DYNC1I1: variants seen among roughly 807,000 people sequenced by gnomAD.
The protein encoded by DYNC1I1 is dynein cytoplasmic 1 intermediate chain 1.
DYNC1I1 carries 43 observed loss-of-function variants against 86.6 expected under a neutral mutation model. The observed-to-expected ratio is 0.50, with a 90% CI of 0.39 to 0.64. DYNC1I1 has a LOEUF of 0.64. DYNC1I1 is among the 30% of genes least tolerant of loss of function. The pLI is 0.00. For missense variants in DYNC1I1, 604 were observed against 788.8 expected (o/e 0.77, Z 2.81); for synonymous variants, 262 against 283.7 (o/e 0.92, Z 0.77).
chr7:95,982,159 A>G (rs942453526), intron 7 of DYNC1I1, among the ~76,000 whole-genome samples: 3 of 152,172 alleles, frequency 2.0e-5, no homozygotes, highest in African/African-American at 7.2e-5. Context: ...TTAATCAAAA[A>G]TTACTATGGC....
At chr7:95,962,619 C>T (rs1792900229) in intron 6 of DYNC1I1, among the ~76,000 whole-genome samples, 1 of 152,106 alleles carries the variant, frequency 6.6e-6, no homozygotes, top group Admixed American at 6.6e-5. Flanking sequence ...GCTCTGTATC[C>T]ATTATCTCAT....
chr7:95,987,504 T>C (rs1335554049), intron 9 of DYNC1I1, among the ~76,000 whole-genome samples: 1 of 152,214 alleles, frequency 6.6e-6, no homozygotes. Flanking sequence ...CTTGTGCCTA[T>C]AGAAACATCC....
intron 5 of DYNC1I1, among the ~76,000 whole-genome samples, chr7:95,848,148 C>T (rs1487596544): frequency 1.3e-5 from 2 of 151,280 alleles, no homozygotes. Context: ...ACCGTCTTAC[C>T]ATTTTTCAGT....
At chr7:95,987,712 C>T (rs1026882265) in intron 9 of DYNC1I1, among the ~76,000 whole-genome samples, 2 of 152,156 alleles carry the variant, frequency 1.3e-5, no homozygotes, top group Admixed American at 6.5e-5. Context: ...TTATATCTCC[C>T]GCCCAATCTC....
At chr7:95,929,952 G>A (rs775193050) in intron 6 of DYNC1I1, among the ~76,000 whole-genome samples, 11 of 152,306 alleles carry the variant, frequency 7.2e-5, no homozygotes, top group Non-Finnish European at 1.5e-4. Flanking sequence ...GAACTGAAAT[G>A]AATACTAACA....
chr7:95,929,081 A>G lies in DYNC1I1; in HGVS notation c.491-48431A>G, dbSNP rs6950335. Reference sequence around the variant, plus strand: ...TTGGAAAACTGTGATGTACTCAACAAATGCATAAAGATGAGCATGTTTTAA... The same window carrying G: ...TTGGAAAACTGTGATGTACTCAACAGATGCATAAAGATGAGCATGTTTTAA... On this transcript the variant is annotated intron_variant, in intron 6 of 16. Coordinates refer to ENST00000447467, the MANE Select transcript of DYNC1I1 (RefSeq NM_001135556.2). 9.8e-3 allele frequency among the ~76,000 whole-genome samples: 1,486 copies of G among 152,342 alleles called. 9 individuals are homozygous for G. Among genetic ancestry groups the G allele is most frequent in the Non-Finnish European group, 0.015 (1,008 of 68,034 alleles).
At chr7:96,004,999 T>A (rs1266904737) in intron 10 of DYNC1I1, among the ~76,000 whole-genome samples, 1 of 152,144 alleles carries the variant, frequency 6.6e-6, no homozygotes, top group Non-Finnish European at 1.5e-5. Flanking sequence ...GATTTTTAAA[T>A]TATCTAATTG....
intron 16 of DYNC1I1, among the ~76,000 whole-genome samples, chr7:96,107,966 G>A (rs190974676): frequency 5.2e-5 from 7 of 133,858 alleles, no homozygotes; most frequent in African/African-American, 2.0e-4. Flanking sequence ...TAATCTTATT[G>A]AGGATCCCTT....
intron 6 of DYNC1I1, among the ~76,000 whole-genome samples, chr7:95,876,332 T>A (rs927707364): frequency 2.0e-5 from 3 of 152,224 alleles, no homozygotes; most frequent in African/African-American, 7.2e-5. Context: ...CTCAAGGTTT[T>A]ACTGTTCTGG....
chr7:96,104,025 A>G (rs1791177695), intron 16 of DYNC1I1, among the ~76,000 whole-genome samples: 1 of 152,144 alleles, frequency 6.6e-6, no homozygotes, highest in African/African-American at 2.4e-5. Context: ...TTTAGTTTGC[A>G]TATACTCGCT....
chr7:95,781,967 G>T (rs1222885665), intron 1 of DYNC1I1, among the ~76,000 whole-genome samples: 2 of 152,126 alleles, frequency 1.3e-5, no homozygotes, highest in Non-Finnish European at 2.9e-5. Flanking sequence ...AAAAATAACT[G>T]CCAACCTCAG....
chr7:95,905,364 C>T (rs537246431), intron 6 of DYNC1I1, among the ~76,000 whole-genome samples: 4 of 152,254 alleles, frequency 2.6e-5, no homozygotes, highest in African/African-American at 9.6e-5. Context: ...TAGGTCAGTA[C>T]CCTGGATAGC....
At chr7:95,846,621 CTCTCTCTGTGTGTGTGTGTG>C (rs1185943649) in intron 5 of DYNC1I1, among the ~76,000 whole-genome samples, 8 of 120,380 alleles carry the variant, frequency 6.6e-5, no homozygotes, top group African/African-American at 1.4e-4. Flanking sequence ...TGATAAATCT[CTCTCTCTGTGTGTGTGTGTG>C]TGTGTGTGTG....
At chr7:96,035,982 C>T (rs1302257945) in intron 13 of DYNC1I1, among the ~76,000 whole-genome samples, 1 of 152,164 alleles carries the variant, frequency 6.6e-6, no homozygotes, top group Non-Finnish European at 1.5e-5. Flanking sequence ...GCTTCTGAGC[C>T]TATCATAACA....
rs753944748 is a variant in DYNC1I1, at chr7:96,097,608, C to T, written c.*15C>T. 1.9e-6 allele frequency: 3 copies of T among 1,613,264 alleles called. No homozygotes were observed. Among genetic ancestry groups the T allele is most frequent in the Non-Finnish European group, 2.5e-6 (3 of 1,179,542 alleles). On this transcript the variant is annotated 3_prime_UTR_variant, in exon 17 of 17. Coordinates refer to ENST00000447467, the MANE Select transcript of DYNC1I1 (RefSeq NM_001135556.2). ...TATCTGCCTAGTGGAAATGAGCCAC[C>T]CCCACTGCAGCCCCCACCTTTGTGT...
chr7:95,994,534 T>A (rs1419550992), intron 9 of DYNC1I1, among the ~76,000 whole-genome samples: 1 of 152,062 alleles, frequency 6.6e-6, no homozygotes. Flanking sequence ...AGTATGAGAC[T>A]CATAGGTACA....
At chr7:96,075,504 A>G (rs1041079142) in intron 14 of DYNC1I1, among the ~76,000 whole-genome samples, 29 of 152,196 alleles carry the variant, frequency 1.9e-4, no homozygotes, top group Non-Finnish European at 8.8e-5. Context: ...CCTCTTTAAA[A>G]TATTTGCACG....
intron 14 of DYNC1I1, among the ~76,000 whole-genome samples, chr7:96,065,288 C>G (rs74814645): frequency 0.057 from 8,687 of 151,992 alleles, 391 homozygotes; most frequent in African/African-American, 0.13. Flanking sequence ...GGTTCTCTCT[C>G]TTCTACTCTC....
At chr7:95,939,475 G>A (rs548434554) in intron 6 of DYNC1I1, among the ~76,000 whole-genome samples, 2 of 152,036 alleles carry the variant, frequency 1.3e-5, no homozygotes, top group Non-Finnish European at 2.9e-5. Flanking sequence ...ATCAATCTGG[G>A]TGCTCCTGTA....
Sources: gnomAD v4.1 joint callset for allele counts (sites outside exome capture counted in the v4.1 genomes callset) on GRCh38, gnomAD v4.1.1 for gene constraint, MANE v1.5 for transcripts, NCBI Gene and HGNC (gene_info 2026-07-23, HGNC 2026-07-21) for gene names.